Variants in PRKG2 observed in about 807,000 individuals in gnomAD.
The protein encoded by PRKG2 is cGMP-dependent protein kinase 2.
A neutral mutation model predicts 97.2 loss-of-function variants in PRKG2; 33 were observed. The observed-to-expected ratio is 0.34, with a 90% CI of 0.26 to 0.45. The LOEUF is 0.45. Among genes scored for constraint, PRKG2 ranks in the 20% least tolerant of loss-of-function variants. PRKG2 has a pLI of 1.00. For missense variants in PRKG2, 638 were observed against 900.0 expected (o/e 0.71, Z 3.73); for synonymous variants, 330 against 321.8 (o/e 1.03, Z -0.27).
chr4:81,159,349 C>T (rs553970165), intron 6 of PRKG2, among the ~76,000 whole-genome samples: 4 of 152,222 alleles, frequency 2.6e-5, no homozygotes, highest in Admixed American at 6.5e-5. Flanking sequence ...CCAAAAGACA[C>T]ATGAAAAAAT....
At chr4:81,198,549 A>G (rs1373675379) in intron 2 of PRKG2, among the ~76,000 whole-genome samples, 1 of 151,884 alleles carries the variant, frequency 6.6e-6, no homozygotes, top group Non-Finnish European at 1.5e-5. Flanking sequence ...AAGGGAAGCC[A>G]CTCACACTGT....
intron 2 of PRKG2, among the ~76,000 whole-genome samples, chr4:81,186,613 A>AGT (rs1325535900): frequency 1.3e-5 from 2 of 152,200 alleles, no homozygotes; most frequent in African/African-American, 4.8e-5. Context: ...GACAAGAAAT[A>AGT]ACTAAGATCA....
At position 81,111,407 on chromosome 4, in the gene PRKG2, T is replaced by TATCATGTTATACATGATTAATATTAC. The variant is rs1560544823; in HGVS notation, c.1777-797_1777-796insGTAATATTAATCATGTATAACATGAT. 1.4e-3 allele frequency among the ~76,000 whole-genome samples: 215 copies of TATCATGTTATACATGATTAATATTAC among 148,888 alleles called. 1 individual carries two copies. The highest frequency in any genetic ancestry group is 5.1e-3 in the African/African-American group (200 of 39,052). ...ATGTACACAAACATGATTAATATTATATCATGTTATACATGATTAATATTA... is the reference window on the plus strand; with the variant it reads ...ATGTACACAAACATGATTAATATTATATCATGTTATACATGATTAATATTACATCATGTTATACATGATTAATATTA... On this transcript the variant is annotated intron_variant, in intron 14 of 18. Coordinates refer to ENST00000264399, the MANE Select transcript of PRKG2 (RefSeq NM_006259.3).
chr4:81,199,139 A>T (rs1753141050), intron 2 of PRKG2, among the ~76,000 whole-genome samples: 1 of 152,158 alleles, frequency 6.6e-6, no homozygotes, highest in Admixed American at 6.5e-5. Flanking sequence ...ATCTTTAATT[A>T]TCTATGTAAA....
chr4:81,090,900 A>C (rs1413005238), intron 18 of PRKG2, among the ~76,000 whole-genome samples: 2 of 152,218 alleles, frequency 1.3e-5, no homozygotes, highest in African/African-American at 4.8e-5. Flanking sequence ...AGATACATGA[A>C]ATAATTTCTT....
intron 12 of PRKG2, among the ~76,000 whole-genome samples, chr4:81,139,257 G>A (rs1747015023): frequency 6.6e-6 from 1 of 152,084 alleles, no homozygotes; most frequent in Admixed American, 6.6e-5. Context: ...TCCCACATGT[G>A]CCCAAATGCT....
At chr4:81,183,274 A>G (rs1249366307) in intron 2 of PRKG2, among the ~76,000 whole-genome samples, 1 of 152,106 alleles carries the variant, frequency 6.6e-6, no homozygotes, top group Non-Finnish European at 1.5e-5. Flanking sequence ...TGATCTCTAC[A>G]TTTCCAGCTG....
intron 15 of PRKG2, among the ~76,000 whole-genome samples, chr4:81,109,467 T>A (rs1743685333): frequency 6.6e-6 from 1 of 152,176 alleles, no homozygotes; most frequent in South Asian, 2.1e-4. Context: ...GAAAGAAAAT[T>A]GATTTGAATT....
chr4:81,187,316 T>C (rs1477532990), intron 2 of PRKG2, among the ~76,000 whole-genome samples: 1 of 152,164 alleles, frequency 6.6e-6, no homozygotes, highest in East Asian at 1.9e-4. Flanking sequence ...CAAGGCTGGT[T>C]CAACATATGC....
At chr4:81,097,725 G>C (rs554680214) in intron 17 of PRKG2, among the ~76,000 whole-genome samples, 2 of 152,190 alleles carry the variant, frequency 1.3e-5, no homozygotes, top group South Asian at 4.1e-4. Context: ...TCTTCACCTT[G>C]CCCTTTTAAG....
chr4:81,171,601 G>T, intron 4 of PRKG2, 90 bp downstream of exon 4: 1 of 934,810 alleles, frequency 1.1e-6, no homozygotes, highest in South Asian at 2.2e-5. Flanking sequence ...ATGGGAAACA[G>T]ACTGTGGATC....
At chr4:81,175,006 G>A in intron 2 of PRKG2, 47 bp from the exon 3 acceptor site, 1 of 1,481,268 alleles carries the variant, frequency 6.8e-7, no homozygotes, top group South Asian at 1.3e-5. Context: ...TGAAAATCAT[G>A]TTTTACTATT....
At chr4:81,178,893 G>A (rs1020399563) in intron 2 of PRKG2, among the ~76,000 whole-genome samples, 7 of 152,194 alleles carry the variant, frequency 4.6e-5, no homozygotes, top group African/African-American at 1.7e-4. Context: ...CTGGGAGGCT[G>A]AGGTGGGCAG....
chr4:81,155,276 G>A (rs1254772911), intron 6 of PRKG2, among the ~76,000 whole-genome samples: 3 of 151,858 alleles, frequency 2.0e-5, no homozygotes, highest in Admixed American at 1.3e-4. Flanking sequence ...AGAACTACGT[G>A]AAGAATGCAG....
intron 16 of PRKG2, 124 bp from the exon 17 acceptor site, chr4:81,104,556 A>G (rs1426315820): frequency 4.9e-6 from 2 of 410,824 alleles, no homozygotes; most frequent in East Asian, 1.4e-4. Context: ...ATTCATTAAA[A>G]AACATGCATG....
At chr4:81,191,420 C>A (rs1158453842) in intron 2 of PRKG2, among the ~76,000 whole-genome samples, 1 of 151,836 alleles carries the variant, frequency 6.6e-6, no homozygotes, top group East Asian at 1.9e-4. Context: ...ACATCATACA[C>A]TGGGGCCTGT....
intron 17 of PRKG2, among the ~76,000 whole-genome samples, chr4:81,096,958 A>G (rs1038686757): frequency 3.3e-5 from 5 of 152,200 alleles, no homozygotes; most frequent in African/African-American, 1.2e-4. Flanking sequence ...TGGCATTTAG[A>G]ATGGTGAATT....
At chr4:81,092,842 C>G (rs905674723) in intron 17 of PRKG2, among the ~76,000 whole-genome samples, 1 of 152,174 alleles carries the variant, frequency 6.6e-6, no homozygotes, top group Non-Finnish European at 1.5e-5. Context: ...AGTCCATGAT[C>G]AAATCCTGTC....
chr4:81,172,292 A>G (rs1215828369), intron 3 of PRKG2, among the ~76,000 whole-genome samples: 1 of 152,136 alleles, frequency 6.6e-6, no homozygotes, highest in Non-Finnish European at 1.5e-5. Context: ...CAATCACTGT[A>G]TGTCATAAAA....
Sources: gnomAD v4.1 joint callset for allele counts (sites outside exome capture counted in the v4.1 genomes callset) on GRCh38, gnomAD v4.1.1 for gene constraint, MANE v1.5 for transcripts, NCBI Gene and HGNC (gene_info 2026-07-23, HGNC 2026-07-21) for gene names.